Variants in IL1RL2 observed in about 807,000 individuals in gnomAD.
IL1RL2 encodes the protein interleukin 1 receptor like 2.
IL1RL2 carries 68 observed loss-of-function variants against 66.8 expected under a neutral mutation model. The observed-to-expected ratio is 1.02, with a 90% CI of 0.84 to 1.25. The LOEUF (loss-of-function observed/expected upper bound fraction) is 1.25. Among genes scored for constraint, IL1RL2 ranks in the 50% most tolerant of loss-of-function variants. The pLI is 0.00. For missense variants in IL1RL2, 729 were observed against 709.3 expected (o/e 1.03, Z -0.32); for synonymous variants, 305 against 264.6 (o/e 1.15, Z -1.48).
intron 4 of IL1RL2, among the ~76,000 whole-genome samples, chr2:102,195,187 C>T (rs1687561290): frequency 6.6e-6 from 1 of 152,132 alleles, no homozygotes; most frequent in Admixed American, 6.5e-5. Context: ...TACAATGTGT[C>T]CTTCTAAGCA....
At chr2:102,231,559 TGTGA>T (rs1179868121) in intron 9 of IL1RL2, among the ~76,000 whole-genome samples, 4 of 135,836 alleles carry the variant, frequency 2.9e-5, no homozygotes, top group Non-Finnish European at 6.1e-5. Context: ...CCATGTTCAT[TGTGA>T]GTTTTTTTTT....
Position 102,196,890 on chromosome 2 carries a change from C to T in IL1RL2, c.490-4666C>T, listed in dbSNP as rs34425543. Among the ~76,000 whole-genome samples the T allele has an allele frequency of 5.9e-3, 903 of 152,286 alleles. 1 individual carries two copies. Among genetic ancestry groups the T allele is most frequent in the Non-Finnish European group, 9.7e-3 (659 of 68,032 alleles). On this transcript the variant is annotated intron_variant, in intron 4 of 11. Transcript: ENST00000264257. ...GCATTTCAACAGTGAATCCTACCAT[C>T]AGGAGAATGGCATGAGCAAATTCAC...
downstream of IL1RL2, among the ~76,000 whole-genome samples, chr2:102,241,310 A>T (rs1675225411): frequency 6.6e-6 from 1 of 152,124 alleles, no homozygotes; most frequent in African/African-American, 2.4e-5. Context: ...ATGTGCTCGC[A>T]AGAGGGGACT....
intron 5 of IL1RL2, among the ~76,000 whole-genome samples, chr2:102,203,858 C>A (rs1166861377): frequency 6.6e-6 from 1 of 151,844 alleles, no homozygotes; most frequent in African/African-American, 2.4e-5. Flanking sequence ...TTTTAAAGAA[C>A]CAACTTTTTG....
chr2:102,210,744 T>C (rs1375838677), intron 5 of IL1RL2, among the ~76,000 whole-genome samples: 1 of 151,894 alleles, frequency 6.6e-6, no homozygotes, highest in Non-Finnish European at 1.5e-5. Flanking sequence ...GATTTAGGAG[T>C]GAGATCATGA....
At chr2:102,225,578 A>T (rs1011734328) in intron 8 of IL1RL2, among the ~76,000 whole-genome samples, 3 of 152,136 alleles carry the variant, frequency 2.0e-5, no homozygotes, top group Non-Finnish European at 4.4e-5. Context: ...CAGAACCTGG[A>T]CGTGTGTGTT....
chr2:102,198,574 C>A (rs1452359186), intron 4 of IL1RL2, among the ~76,000 whole-genome samples: 4 of 152,216 alleles, frequency 2.6e-5, no homozygotes, highest in Non-Finnish European at 5.9e-5. Flanking sequence ...TGGCATTCAA[C>A]ATTGCTGGGC....
intron 5 of IL1RL2, among the ~76,000 whole-genome samples, chr2:102,206,601 T>C (rs180722923): frequency 2.8e-4 from 43 of 152,340 alleles, no homozygotes; most frequent in African/African-American, 9.9e-4. Flanking sequence ...GTCTGTCTGT[T>C]CTGAGCCACC....
chr2:102,241,668 A>G (rs974423258), downstream of IL1RL2, among the ~76,000 whole-genome samples: 1 of 152,186 alleles, frequency 6.6e-6, no homozygotes, highest in African/African-American at 2.4e-5. Flanking sequence ...CTCTTTAAGT[A>G]CATTATCTCA....
chr2:102,215,656 T>C (rs1278028406), intron 6 of IL1RL2, among the ~76,000 whole-genome samples: 3 of 152,132 alleles, frequency 2.0e-5, no homozygotes. Flanking sequence ...ACACACACCC[T>C]TGGCCTGAGA....
chr2:102,237,335 G>C (rs1674974035), intron 11 of IL1RL2, among the ~76,000 whole-genome samples: 1 of 152,218 alleles, frequency 6.6e-6, no homozygotes, highest in South Asian at 2.1e-4. Context: ...GGTTAGTCAA[G>C]TGGCCAGAGG....
At chr2:102,227,419 T>C (rs1160177259) in intron 9 of IL1RL2, among the ~76,000 whole-genome samples, 2 of 152,222 alleles carry the variant, frequency 1.3e-5, no homozygotes. Context: ...TTGGATTTTT[T>C]CCAAATTAAA....
At chr2:102,238,290 A>G (rs1265955739) in intron 11 of IL1RL2, among the ~76,000 whole-genome samples, 2 of 151,988 alleles carry the variant, frequency 1.3e-5, no homozygotes, top group South Asian at 2.1e-4. Flanking sequence ...CCCCTCAAAT[A>G]CCCTGAGTCG....
At chr2:102,199,434 G>C (rs1482867553) in intron 4 of IL1RL2, among the ~76,000 whole-genome samples, 2 of 152,154 alleles carry the variant, frequency 1.3e-5, no homozygotes, top group Non-Finnish European at 2.9e-5. Flanking sequence ...AGGCTATTTT[G>C]TGTTTCTGAA....
Position 102,187,025 on chromosome 2 carries a change from T to A in IL1RL2, c.-74T>A. 2 of 1,289,726 alleles carry A rather than the reference T, an allele frequency of 1.6e-6. No individual in the cohort carries two copies. Among genetic ancestry groups the A allele is most frequent in the Non-Finnish European group, 2.0e-6 (2 of 988,760 alleles). 79.9% of individuals were successfully genotyped at this position (1,289,726 alleles called of 1,614,324 possible). On this transcript the variant is annotated 5_prime_UTR_variant, in exon 1 of 12. Coordinates refer to ENST00000264257, the MANE Select transcript of IL1RL2 (RefSeq NM_003854.4). ...AGGCATGGAAGTGGCATGACAGGGCTCGTGTCCCTGTCATATTTTCCACTC... is the reference window on the plus strand; with the variant it reads ...AGGCATGGAAGTGGCATGACAGGGCACGTGTCCCTGTCATATTTTCCACTC...
intron 9 of IL1RL2, among the ~76,000 whole-genome samples, chr2:102,228,147 C>T (rs746206455): frequency 6.6e-6 from 1 of 152,080 alleles, no homozygotes; most frequent in Non-Finnish European, 1.5e-5. Flanking sequence ...AGTATGTGTG[C>T]ATTTTGTGAT....
chr2:102,235,629 G>C (rs1477195571), intron 11 of IL1RL2: 1 of 985,298 alleles, frequency 1.0e-6, no homozygotes, highest in Non-Finnish European at 1.2e-6. Context: ...TGCCCATGAT[G>C]TGGCACCCAT....
At chr2:102,223,811 T>C (rs1360208474) in intron 8 of IL1RL2, among the ~76,000 whole-genome samples, 1 of 152,036 alleles carries the variant, frequency 6.6e-6, no homozygotes, top group African/African-American at 2.4e-5. Context: ...GAGGTGGCAA[T>C]GTTACCCCTA....
At chr2:102,210,335 G>C (rs954489132) in intron 5 of IL1RL2, among the ~76,000 whole-genome samples, 1 of 152,132 alleles carries the variant, frequency 6.6e-6, no homozygotes, top group South Asian at 2.1e-4. Flanking sequence ...AGATCAAGTA[G>C]GAACCAGCAA....
Sources: allele counts gnomAD v4.1 joint callset (sites outside exome capture counted in the v4.1 genomes callset), GRCh38; gene constraint gnomAD v4.1.1; transcripts MANE v1.5; gene names NCBI Gene and HGNC (gene_info 2026-07-23, HGNC 2026-07-21).